The following ARHGEF10 variants were observed in gnomAD, a reference collection of about 807,000 sequenced individuals.
ARHGEF10 encodes Rho guanine nucleotide exchange factor 10.
ARHGEF10 carries 140 observed loss-of-function variants against 147.4 expected under a neutral mutation model. The observed-to-expected ratio is 0.95, with a 90% CI of 0.83 to 1.09. The LOEUF (loss-of-function observed/expected upper bound fraction) is 1.09, where lower values mean the gene tolerates loss of function less well. Among genes scored for constraint, ARHGEF10 ranks in the 50% least tolerant of loss-of-function variants. ARHGEF10 has a pLI of 0.00. For missense variants in ARHGEF10, 2,222 were observed against 1,752.7 expected (o/e 1.27, Z -4.78); for synonymous variants, 902 against 695.8 (o/e 1.30, Z -4.67).
rs866544599 is a variant in ARHGEF10 at position 1,880,111 on chromosome 8, A to G, written c.907A>G (p.Ser303Gly). 1 of 1,614,208 alleles carries G rather than the reference A, an allele frequency of 6.2e-7. No individual in the cohort carries two copies. The highest frequency in any genetic ancestry group is 1.7e-4 in the Middle Eastern group (1 of 6,060). ...YEKKMRDLMA[S>G]TVGVVEIQQL... is the part of the protein sequence containing the mutation. Reference sequence around the variant, plus strand: ...GAAAAAGATGAGAGATTTGATGGCAAGCACGGTGGGCGTGGTGGAGATTCA... The same window carrying G: ...GAAAAAGATGAGAGATTTGATGGCAGGCACGGTGGGCGTGGTGGAGATTCA... The change falls in exon 9 of 29, where the codon AGC (serine) becomes GGC (glycine). Residue 303 changes from serine to glycine, a missense_variant. Ser to Gly is a moderately conservative substitution (Grantham distance 56, BLOSUM62 0). Coordinates refer to ENST00000349830, the MANE Select transcript of ARHGEF10 (RefSeq NM_014629.4).
At position 1,957,188 on chromosome 8, in the gene ARHGEF10, G is replaced by C. The variant is rs117084443; in HGVS notation, c.3960G>C (p.Arg1320Ser). Residue 1320 changes from arginine to serine, a missense_variant, in exon 29 of 29, where the codon AGG (arginine) becomes AGC (serine). Arg to Ser is a moderately radical substitution (Grantham distance 110, BLOSUM62 -1). Transcript: ENST00000349830. ...CGGQGHRRVH[R>S]KARQPHQEEL... ...GGCAGGGCCACCGCCGGGTGCACAG[G>C]AAGGCCCGGCAGCCCCACCAGGAAG... 1,114 of 1,612,476 alleles carry C rather than the reference G, an allele frequency of 6.9e-4. 7 individuals carry two copies. The East Asian group carries it at 0.022, about 31-fold the overall frequency.
intron 16 of ARHGEF10, among the ~76,000 whole-genome samples, chr8:1,904,847 G>A (rs762371946): frequency 5.9e-5 from 9 of 152,178 alleles, no homozygotes; most frequent in Non-Finnish European, 1.3e-4. Context: ...TTGGCCGGGT[G>A]CAGTGGCTCA....
intron 21 of ARHGEF10, among the ~76,000 whole-genome samples, chr8:1,924,199 G>A (rs1394722100): frequency 6.6e-6 from 1 of 151,978 alleles, no homozygotes; most frequent in Non-Finnish European, 1.5e-5. Context: ...CGGGCGGCGG[G>A]CGGCGGCCTT....
At chr8:1,953,840 G>C (rs963439106) in intron 28 of ARHGEF10, among the ~76,000 whole-genome samples, 10 of 152,106 alleles carry the variant, frequency 6.6e-5, no homozygotes, top group African/African-American at 2.4e-4. Context: ...TCAGCCAGGG[G>C]GAAATACTAA....
intron 8 of ARHGEF10, 26 bp from the exon 9 acceptor site, chr8:1,880,022 A>G (rs1808046472): frequency 6.6e-7 from 1 of 1,526,112 alleles, no homozygotes; most frequent in Non-Finnish European, 9.1e-7. Context: ...CTTTTTGTGA[A>G]AAGACTGTGT....
intron 26 of ARHGEF10, among the ~76,000 whole-genome samples, chr8:1,944,167 C>T (rs1814357062): frequency 6.6e-6 from 1 of 151,282 alleles, no homozygotes; most frequent in South Asian, 2.1e-4. Flanking sequence ...CTCGGGATCC[C>T]AGCTTCCCGC....
intron 1 of ARHGEF10, 63 bp downstream of exon 1, chr8:1,824,176 C>T: frequency 6.6e-6 from 1 of 152,222 alleles, no homozygotes; most frequent in Non-Finnish European, 1.5e-5. Context: ...TTGAGAGTTG[C>T]ACTTCTGCCC....
chr8:1,905,456 G>A (rs1463910963), intron 16 of ARHGEF10, 115 bp from the exon 17 acceptor site: 44 of 1,323,750 alleles, frequency 3.3e-5, no homozygotes, highest in Admixed American at 1.9e-4. Context: ...AACGATTTCC[G>A]TAAAGCGCTC....
chr8:1,940,204 G>A (rs1266739580), intron 26 of ARHGEF10, among the ~76,000 whole-genome samples: 2 of 152,094 alleles, frequency 1.3e-5, no homozygotes, highest in Non-Finnish European at 2.9e-5. Context: ...CATACGCCAC[G>A]GTTGTTTGTT....
intron 26 of ARHGEF10, among the ~76,000 whole-genome samples, chr8:1,934,700 A>G (rs940589239): frequency 3.9e-5 from 6 of 152,216 alleles, no homozygotes; most frequent in African/African-American, 1.4e-4. Flanking sequence ...CTCCAGATGG[A>G]TGGGACTTTC....
At chr8:1,907,076 G>T (rs894803517) in intron 17 of ARHGEF10, among the ~76,000 whole-genome samples, 1 of 152,190 alleles carries the variant, frequency 6.6e-6, no homozygotes, top group East Asian at 1.9e-4. Context: ...AGGAGCTGAC[G>T]GAGTGAGGCC....
intron 2 of ARHGEF10, among the ~76,000 whole-genome samples, chr8:1,850,062 C>G (rs1195962182): frequency 2.3e-3 from 91 of 40,032 alleles, no homozygotes; most frequent in Middle Eastern, 0.019. Context: ...AGGGCGTGGG[C>G]CGGCTGCGTG....
At chr8:1,902,127 G>A (rs991271018) in intron 15 of ARHGEF10, among the ~76,000 whole-genome samples, 1 of 152,066 alleles carries the variant, frequency 6.6e-6, no homozygotes, top group Non-Finnish European at 1.5e-5. Flanking sequence ...TTAGGTATTT[G>A]TCTTAATGCT....
chr8:1,956,936 C>G lies in ARHGEF10; in HGVS notation c.3708C>G (p.Asp1236Glu). 1 of 1,614,194 alleles carries G rather than the reference C, an allele frequency of 6.2e-7. No homozygotes were observed. Among genetic ancestry groups the G allele is most frequent in the Non-Finnish European group, 8.5e-7 (1 of 1,180,036 alleles). ...CTGGTTCATCTCTGAGCCAGGGTGACCCTGACGCAGCCATCTGGTTGGGAG... is the reference window on the plus strand; with the variant it reads ...CTGGTTCATCTCTGAGCCAGGGTGAGCCTGACGCAGCCATCTGGTTGGGAG... ...GGAGSSLSQG[D>E]PDAAIWLGDS... Residue 1236 changes from aspartate to glutamate, a missense_variant, in exon 29 of 29, where the codon GAC becomes GAG. Coordinates refer to ENST00000349830, the MANE Select transcript of ARHGEF10 (RefSeq NM_014629.4).
At chr8:1,911,257 C>T (rs1811330754) in intron 18 of ARHGEF10, among the ~76,000 whole-genome samples, 1 of 152,014 alleles carries the variant, frequency 6.6e-6, no homozygotes, top group African/African-American at 2.4e-5. Flanking sequence ...CACTTGAAAA[C>T]GTATATGATT....
In ARHGEF10 at chr8:1,947,153, GTAATTGCCAAAGCACGCT is replaced by G. The variant is rs574778245; in HGVS notation, c.3397+1499_3397+1516del. Reference sequence around the variant, plus strand: ...GTTGGGACAAAACCAAGTCACATCCGTAATTGCCAAAGCACGCTCTCACGCGGCAGTGAGTGTCCATGT... The same window carrying G: ...GTTGGGACAAAACCAAGTCACATCCGCTCACGCGGCAGTGAGTGTCCATGT... On this transcript the variant is annotated intron_variant, in intron 27 of 28. Transcript: ENST00000349830. Among the ~76,000 whole-genome samples the G allele has an allele frequency of 3.9e-5, 6 of 152,276 alleles. No homozygotes were observed. In the South Asian group the frequency reaches 1.2e-3, roughly 32 times the overall value.
At chr8:1,901,132 T>C (rs1810419872) in intron 15 of ARHGEF10, among the ~76,000 whole-genome samples, 1 of 152,052 alleles carries the variant, frequency 6.6e-6, no homozygotes, top group Admixed American at 6.5e-5. Context: ...TGAGGGGCCC[T>C]ACCTCAGGTG....
At chr8:1,907,613 C>T (rs753789114) in intron 17 of ARHGEF10, among the ~76,000 whole-genome samples, 10 of 152,170 alleles carry the variant, frequency 6.6e-5, no homozygotes, top group African/African-American at 1.2e-4. Flanking sequence ...AAAATTCTCC[C>T]GCTGCCAGAC....
intron 4 of ARHGEF10, among the ~76,000 whole-genome samples, chr8:1,863,190 C>A (rs898142385): frequency 6.6e-6 from 1 of 152,136 alleles, no homozygotes; most frequent in African/African-American, 2.4e-5. Flanking sequence ...CTGACACCTG[C>A]CACTCAGGAA....
Sources: gnomAD v4.1 joint callset for allele counts (sites outside exome capture counted in the v4.1 genomes callset) on GRCh38, gnomAD v4.1.1 for gene constraint, MANE v1.5 for transcripts, NCBI Gene and HGNC (gene_info 2026-07-23, HGNC 2026-07-21) for gene names.